FER: variants seen among roughly 807,000 people sequenced by gnomAD.
FER encodes the protein FER tyrosine kinase, also known as tyrosine-protein kinase Fer.
FER carries 63 observed loss-of-function variants against 111.0 expected under a neutral mutation model. The observed-to-expected ratio is 0.57, with a 90% CI of 0.46 to 0.70. FER has a LOEUF of 0.70. Ranked by LOEUF, FER falls within the 30% of genes least tolerant of loss-of-function variation. The probability of loss-of-function intolerance (pLI) is 0.00; values close to 1 mark genes in which losing one functional copy is unlikely to be tolerated. For missense variants in FER, 914 were observed against 954.0 expected, an observed-to-expected ratio of 0.96 and a Z score of 0.55; for synonymous variants, 327 against 313.9, an observed-to-expected ratio of 1.04 and a Z score of -0.44.
chr5:109,106,813 G>GA (rs903967628), intron 17 of FER, among the ~76,000 whole-genome samples: 1 of 152,110 alleles, frequency 6.6e-6, no homozygotes, highest in Non-Finnish European at 1.5e-5. Context: ...TTCCAGGAAT[G>GA]AAAAAAGAGA....
At chr5:108,980,029 C>T (rs1461081882) in intron 13 of FER, among the ~76,000 whole-genome samples, 1 of 150,758 alleles carries the variant, frequency 6.6e-6, no homozygotes, top group African/African-American at 2.5e-5. Context: ...AAGCACTGTT[C>T]TAAATTACAA....
chr5:109,086,533 C>T (rs78168851), intron 16 of FER, among the ~76,000 whole-genome samples: 4,048 of 151,240 alleles, frequency 0.027, 210 homozygotes, highest in African/African-American at 0.093. Flanking sequence ...TGATTGCTGC[C>T]CTTTATTATT....
chr5:108,894,426 T>C (rs1480209952), intron 9 of FER: 4 of 591,084 alleles, frequency 6.8e-6, no homozygotes, highest in African/African-American at 3.9e-5. Context: ...CAACTGCATG[T>C]ATCGGACCAC....
chr5:108,883,691 T>A (rs904827026), intron 9 of FER, among the ~76,000 whole-genome samples, 173 bp downstream of exon 9: 1 of 152,020 alleles, frequency 6.6e-6, no homozygotes, highest in Non-Finnish European at 1.5e-5. Context: ...TCTGTGGTTT[T>A]AAAAAATATA....
At chr5:108,993,385 G>A (rs1158648172) in intron 13 of FER, among the ~76,000 whole-genome samples, 1 of 152,302 alleles carries the variant, frequency 6.6e-6, no homozygotes, top group African/African-American at 2.4e-5. Flanking sequence ...AAAAAAATAC[G>A]AAAACCAGTC....
At chr5:108,848,493 T>C (rs1392397857) in intron 5 of FER, among the ~76,000 whole-genome samples, 1 of 152,180 alleles carries the variant, frequency 6.6e-6, no homozygotes, top group Non-Finnish European at 1.5e-5. Flanking sequence ...TGTTTTATTT[T>C]ATTTTGTATG....
chr5:109,058,740 T>C (rs1773982981), intron 16 of FER, among the ~76,000 whole-genome samples: 1 of 133,342 alleles, frequency 7.5e-6, no homozygotes, highest in Non-Finnish European at 1.6e-5. Context: ...TTTTTTTTTT[T>C]TTTTTTTTTT....
intron 13 of FER, among the ~76,000 whole-genome samples, chr5:109,023,023 T>C (rs1346944419): frequency 2.0e-5 from 3 of 152,080 alleles, no homozygotes; most frequent in Non-Finnish European, 4.4e-5. Context: ...AAACCACATC[T>C]TTTTTCTTAT....
At chr5:109,147,381 C>G (rs1267005325) in intron 17 of FER, among the ~76,000 whole-genome samples, 1 of 151,584 alleles carries the variant, frequency 6.6e-6, no homozygotes, top group African/African-American at 2.4e-5. Flanking sequence ...AAATATATTT[C>G]TAAAACCATG....
intron 9 of FER, chr5:108,894,252 A>G: frequency 2.5e-6 from 1 of 395,176 alleles, no homozygotes; most frequent in South Asian, 5.6e-5. Context: ...TAAACAAACA[A>G]ACAAAACCTC....
chr5:108,874,617 CT>C (rs542858095), intron 8 of FER, among the ~76,000 whole-genome samples: 219 of 143,262 alleles, frequency 1.5e-3, no homozygotes, highest in Middle Eastern at 0.012. Flanking sequence ...ATCTTTCTTC[CT>C]TTTTTTTTTT....
intron 5 of FER, among the ~76,000 whole-genome samples, chr5:108,856,965 A>G (rs949639679): frequency 6.6e-6 from 1 of 152,182 alleles, no homozygotes; most frequent in Non-Finnish European, 1.5e-5. Context: ...ATATTCTGAT[A>G]CTTTAAAATT....
At chr5:108,918,490 CTTTTT>C (rs977392132) in intron 10 of FER, among the ~76,000 whole-genome samples, 1 of 135,892 alleles carries the variant, frequency 7.4e-6, no homozygotes, top group Admixed American at 7.4e-5. Flanking sequence ...TGTGTTTTTT[CTTTTT>C]TTTTTTTTTG....
chr5:108,749,984 A>AT (rs929780885), intron 1 of FER, among the ~76,000 whole-genome samples: 2 of 152,074 alleles, frequency 1.3e-5, no homozygotes, highest in African/African-American at 4.8e-5. Flanking sequence ...GTAGCCTTAC[A>AT]TTTTTTTCCT....
chr5:108,773,400 T>C (rs1195000754), intron 2 of FER, among the ~76,000 whole-genome samples: 2 of 152,110 alleles, frequency 1.3e-5, no homozygotes, highest in Non-Finnish European at 2.9e-5. Flanking sequence ...CCTGTGTCCA[T>C]GTGTTCTCAT....
intron 2 of FER, among the ~76,000 whole-genome samples, chr5:108,794,186 A>T: frequency 6.9e-6 from 1 of 144,716 alleles, no homozygotes. Context: ...TTTCTTTCTG[A>T]TTGATTAATC....
At chr5:109,034,387 T>C (rs1351126620) in intron 13 of FER, among the ~76,000 whole-genome samples, 1 of 152,128 alleles carries the variant, frequency 6.6e-6, no homozygotes, top group Non-Finnish European at 1.5e-5. Flanking sequence ...CTTCTTTTCA[T>C]TTCGAGGTTA....
intron 13 of FER, among the ~76,000 whole-genome samples, chr5:108,992,687 C>T (rs1291741171): frequency 2.6e-5 from 4 of 151,792 alleles, no homozygotes; most frequent in Admixed American, 2.0e-4. Flanking sequence ...GGCTGACCCC[C>T]ACCTCCCTCC....
Position 109,100,508 on chromosome 5 carries a change from CTG to C in FER, c.2039_2040del (p.Cys680TyrfsTer14), listed in dbSNP as rs1748094169. ...AGMLYLESKN[C>X]IHRDLAARNC... ...GTATGTTGTATCTCGAGAGTAAAAACTGTATACACAGGTAAGGAGAACATTTT... is the reference window on the plus strand; with the variant it reads ...GTATGTTGTATCTCGAGAGTAAAAACTATACACAGGTAAGGAGAACATTTT... On this transcript the variant is annotated frameshift_variant, in exon 17 of 20. Transcript: ENST00000281092. LOFTEE classifies it high-confidence loss of function. 6.2e-7 allele frequency: 1 copy of C among 1,610,084 alleles called. No homozygotes were observed.
Sources: allele counts gnomAD v4.1 joint callset (sites outside exome capture counted in the v4.1 genomes callset), GRCh38; gene constraint gnomAD v4.1.1; transcripts MANE v1.5; gene names NCBI Gene and HGNC (gene_info 2026-07-23, HGNC 2026-07-21).